SLC36A3: variants seen among roughly 807,000 people sequenced by gnomAD.
SLC36A3 encodes solute carrier family 36 member 3, also known as proton-coupled amino acid transporter 3.
Under a neutral mutation model 44.3 loss-of-function variants are expected in SLC36A3, and 35 were observed. The observed-to-expected ratio is 0.79, with a 90% confidence interval of 0.60 to 1.05. The LOEUF (loss-of-function observed/expected upper bound fraction) is 1.05. Ranked by LOEUF, SLC36A3 falls within the 50% of genes least tolerant of loss-of-function variation. SLC36A3 has a pLI of 0.00. For synonymous variants in SLC36A3, 211 were observed against 227.6 expected (o/e 0.93, Z 0.66); for missense variants, 540 against 578.7 (o/e 0.93, Z 0.69).
chr5:151,281,214 G>A, intron 8 of SLC36A3, 31 bp from the exon 9 acceptor site: 1 of 1,577,926 alleles, frequency 6.3e-7, no homozygotes, highest in Non-Finnish European at 8.6e-7. Context: ...TGTGAAAGGT[G>A]ATGTGGCTCC....
At chr5:151,301,072 T>C (rs1303400064) in intron 1 of SLC36A3, among the ~76,000 whole-genome samples, 1 of 152,238 alleles carries the variant, frequency 6.6e-6, no homozygotes, top group Non-Finnish European at 1.5e-5. Flanking sequence ...TTTGCAAAAT[T>C]ATAACTGAGG....
chr5:151,299,615 A>T (rs1755104456), intron 1 of SLC36A3, among the ~76,000 whole-genome samples: 1 of 151,966 alleles, frequency 6.6e-6, no homozygotes, highest in African/African-American at 2.4e-5. Context: ...GGATCATGAG[A>T]ACAGAATCAA....
chr5:151,280,206 G>A (rs1310678299), intron 9 of SLC36A3, among the ~76,000 whole-genome samples: 1 of 152,182 alleles, frequency 6.6e-6, no homozygotes, highest in Non-Finnish European at 1.5e-5. Context: ...TGTAATCCCA[G>A]CACTTTGGGA....
In SLC36A3 at chr5:151,280,996, C is replaced by T. The variant is rs761799591; in HGVS notation, c.1144+18G>A. The stretch of plus-strand genomic sequence containing the variant: ...CTGTCATAGCTTTGGGTAAAGAGTG[C>T]CCTTTTATGCTACTCACAGGTTAGA... On this transcript the variant is annotated intron_variant, in intron 9 of 9. Coordinates refer to ENST00000335230, the MANE Select transcript of SLC36A3 (RefSeq NM_181774.4). 8 of 1,613,534 alleles carry T rather than the reference C, an allele frequency of 5.0e-6. No homozygotes were observed. In the East Asian group the frequency reaches 1.8e-4, roughly 36 times the overall value.
chr5:151,279,329 C>T (rs1161219282), intron 9 of SLC36A3, among the ~76,000 whole-genome samples: 1 of 151,578 alleles, frequency 6.6e-6, no homozygotes, highest in Non-Finnish European at 1.5e-5. Flanking sequence ...TATTTCCTTG[C>T]ATATATTTGC....
Position 151,284,600 on chromosome 5 carries a change from C to G in SLC36A3, c.807+13G>C. On this transcript the variant is annotated intron_variant, in intron 7 of 9. Transcript: ENST00000335230. ...GCGCTAGGGACCATTCGCGTGAACC[C>G]CATCAATCTTACCATACCGACGCCT... 1 of 1,599,968 alleles carries G rather than the reference C, an allele frequency of 6.3e-7. No individual in the cohort carries two copies. Among genetic ancestry groups the G allele is most frequent in the South Asian group, 1.1e-5 (1 of 89,828 alleles).
Position 151,298,590 on chromosome 5 carries a change from T to C in SLC36A3, c.219+3A>G. 2 of 1,614,098 alleles carry C rather than the reference T, an allele frequency of 1.2e-6. No individual in the cohort carries two copies. The highest frequency in any genetic ancestry group is 1.7e-6 in the Non-Finnish European group (2 of 1,179,978). On this transcript the variant is annotated splice_donor_region_variant and intron_variant, in intron 2 of 9. Coordinates refer to ENST00000335230, the MANE Select transcript of SLC36A3 (RefSeq NM_181774.4). The stretch of plus-strand genomic sequence containing the variant: ...TAGTTCCCATCCCACAGATGCCTCT[T>C]ACCAACAAGCCGGCATTCTTTATGG...
Position 151,303,283 on chromosome 5 carries a change from C to T in SLC36A3, c.72G>A (p.Glu24=). ...TCTCTGAAGTAATGCTACTGCTGCTCTCTGAGGGTGACTGAGGTCCGTTGT... is the reference window on the plus strand; with the variant it reads ...TCTCTGAAGTAATGCTACTGCTGCTTTCTGAGGGTGACTGAGGTCCGTTGT... ...SLDNGPQSPS[E]SSSSITSENV... is the part of the protein sequence containing the mutation. The change falls in exon 1 of 10, where the codon GAG becomes GAA. Residue 24 remains glutamate (E), a synonymous_variant. Transcript: ENST00000335230. The T allele has an allele frequency of 6.2e-7, 1 of 1,614,146 alleles. No individual in the cohort carries two copies. Among genetic ancestry groups the T allele is most frequent in the Non-Finnish European group, 8.5e-7 (1 of 1,180,016 alleles).
Position 151,277,263 on chromosome 5 carries a change from T to G in SLC36A3, c.*130A>C, listed in dbSNP as rs764772138. 3.6e-4 allele frequency: 457 copies of G among 1,264,916 alleles called. No individual in the cohort carries two copies. The highest frequency in any genetic ancestry group is 4.6e-4 in the Non-Finnish European group (421 of 917,136). 78.4% of individuals were successfully genotyped at this position (1,264,916 alleles called of 1,614,324 possible). A position where few individuals can be genotyped will look rare whatever the true frequency, so the allele number is the denominator to read the frequency against. On this transcript the variant is annotated 3_prime_UTR_variant, in exon 10 of 10. Coordinates refer to ENST00000335230, the MANE Select transcript of SLC36A3 (RefSeq NM_181774.4). ...AGTGCTAACTTTTCTCATCTGCATTTCTCTTGGAAAGATAAAGACGCCACT... is the reference window on the plus strand; with the variant it reads ...AGTGCTAACTTTTCTCATCTGCATTGCTCTTGGAAAGATAAAGACGCCACT...
chr5:151,298,531 G>T, intron 2 of SLC36A3, 62 bp downstream of exon 2: 1 of 1,542,472 alleles, frequency 6.5e-7, no homozygotes, highest in Non-Finnish European at 8.9e-7. Context: ...AAGGCCTTCA[G>T]GACCTATCAC....
At chr5:151,283,749 T>G (rs10043121) in intron 8 of SLC36A3, among the ~76,000 whole-genome samples, 24,612 of 152,164 alleles carry the variant, frequency 0.16, 2,564 homozygotes, top group East Asian at 0.3. Flanking sequence ...CTAAGCATTA[T>G]CTATGTATTA....
chr5:151,298,525 C>A, intron 2 of SLC36A3, 68 bp downstream of exon 2: 2 of 1,480,710 alleles, frequency 1.4e-6, no homozygotes, highest in Non-Finnish European at 1.9e-6. Flanking sequence ...AGTGTGAAGG[C>A]CTTCAGGACC....
chr5:151,277,119 C>T lies in SLC36A3; in HGVS notation c.*274G>A. ...TTTCAAGGGCTATTGGGGTAAGTGG[C>T]ATCCCTTTTCCATAAAATGAGGCTG... On this transcript the variant is annotated 3_prime_UTR_variant, in exon 10 of 10. Coordinates refer to ENST00000335230, the MANE Select transcript of SLC36A3 (RefSeq NM_181774.4). 1 of 460,128 alleles carries T rather than the reference C, an allele frequency of 2.2e-6. No homozygotes were observed. The highest frequency in any genetic ancestry group is 3.9e-6 in the Non-Finnish European group (1 of 257,370). The allele number at this position is 460,128 out of a possible 1,614,324, so 28.5% of individuals were successfully genotyped here.
intron 4 of SLC36A3, among the ~76,000 whole-genome samples, chr5:151,290,897 A>G (rs1754736990): frequency 6.6e-6 from 1 of 152,028 alleles, no homozygotes; most frequent in Admixed American, 6.6e-5. Context: ...TAATAATAAT[A>G]ATAATTCAGT....
At chr5:151,303,160 C>T in intron 1 of SLC36A3, 67 bp downstream of exon 1, 1 of 1,544,682 alleles carries the variant, frequency 6.5e-7, no homozygotes, top group Admixed American at 1.9e-5. Context: ...TGAAGGAAGA[C>T]ATAGTCCAGA....
At chr5:151,284,761 A>G in intron 6 of SLC36A3, 50 bp from the exon 7 acceptor site, 1 of 1,458,594 alleles carries the variant, frequency 6.9e-7, no homozygotes, top group Non-Finnish European at 9.5e-7. Flanking sequence ...TGTCGAAGTC[A>G]TCCCAAATCT....
At chr5:151,290,343 G>A (rs1472323005) in intron 4 of SLC36A3, among the ~76,000 whole-genome samples, 1 of 152,162 alleles carries the variant, frequency 6.6e-6, no homozygotes, top group Non-Finnish European at 1.5e-5. Flanking sequence ...TCTTGGCAGT[G>A]TCACATGTGA....
rs117962363 is a variant in SLC36A3, at chr5:151,281,961, G to A, written c.975-778C>T. ...ATAGGCAACCATTCAGAGTTTTCTT[G>A]TGGCCCTTCTAGAAATGATTGGTGT... On this transcript the variant is annotated intron_variant, in intron 8 of 9. Transcript: ENST00000335230. Among the ~76,000 whole-genome samples the A allele has an allele frequency of 5.1e-3, 775 of 152,096 alleles. 29 individuals are homozygous for A. The East Asian group carries it at 0.075, about 15-fold the overall frequency.
chr5:151,301,861 G>T (rs1755174519), intron 1 of SLC36A3, among the ~76,000 whole-genome samples: 1 of 152,042 alleles, frequency 6.6e-6, no homozygotes, highest in East Asian at 1.9e-4. Flanking sequence ...CCCATTGAGT[G>T]GTTACATTAT....
Sources: allele counts gnomAD v4.1 joint callset (sites outside exome capture counted in the v4.1 genomes callset), GRCh38; gene constraint gnomAD v4.1.1; transcripts MANE v1.5; gene names NCBI Gene and HGNC (gene_info 2026-07-23, HGNC 2026-07-21).